Variants in SERPINF1 observed in about 807,000 individuals in gnomAD.
SERPINF1 encodes serpin family F member 1, also known as pigment epithelium-derived factor.
In SERPINF1, 29 loss-of-function variants were observed where a neutral mutation model predicts 37.3. The ratio of observed to expected loss-of-function variants is 0.78; its 90% CI spans 0.58 to 1.06. The LOEUF is 1.06. SERPINF1 is among the 50% of genes least tolerant of loss of function. The pLI is 0.00. For missense variants in SERPINF1, 553 were observed against 532.2 expected, an observed-to-expected ratio of 1.04 and a Z score of -0.38; for synonymous variants, 281 against 227.9, an observed-to-expected ratio of 1.23 and a Z score of -2.10.
chr17:1,764,755 T>A lies in SERPINF1; in HGVS notation c.-8-2148T>A, dbSNP rs566660185. Among the ~76,000 whole-genome samples the A allele has an allele frequency of 3.9e-5, 6 of 152,170 alleles. No homozygotes were observed. The East Asian group carries it at 1.2e-3, about 29-fold the overall frequency. ...AAAGTGTGTGTGCTGTGTGGGTGGA[T>A]GTTTGTGTATATAAATGGATAATGA... On this transcript the variant is annotated intron_variant, in intron 1 of 7. Coordinates refer to ENST00000254722, the MANE Select transcript of SERPINF1 (RefSeq NM_002615.7).
chr17:1,770,040 C>G lies in SERPINF1; in HGVS notation c.273C>G (p.Ala91=). ...SPLSVATALS[A]LSLGAEQRTE... ...TCAGTGTGGCCACGGCCCTCTCGGC[C>G]CTCTCGCTGGGTGAGTGCTCAGATG... The change falls in exon 3 of 8, where the codon GCC becomes GCG. Residue 91 remains alanine (A), a synonymous_variant. Coordinates refer to ENST00000254722, the MANE Select transcript of SERPINF1 (RefSeq NM_002615.7). 1 of 1,614,186 alleles carries G rather than the reference C, an allele frequency of 6.2e-7. No homozygotes were observed. The highest frequency in any genetic ancestry group is 1.3e-5 in the African/African-American group (1 of 75,072).
chr17:1,767,872 A>G (rs1907478966), intron 2 of SERPINF1, among the ~76,000 whole-genome samples: 1 of 152,106 alleles, frequency 6.6e-6, no homozygotes, highest in Non-Finnish European at 1.5e-5. Context: ...TCATCTACCA[A>G]ACACCTACTC....
intron 5 of SERPINF1, among the ~76,000 whole-genome samples, chr17:1,774,202 CTTTT>C (rs112989601): frequency 3.4e-4 from 52 of 152,232 alleles, no homozygotes; most frequent in South Asian, 8.3e-4. Context: ...ACTTTTCTTT[CTTTT>C]GTTTTTGAGA....
chr17:1,769,752 G>C, intron 2 of SERPINF1, 100 bp from the exon 3 acceptor site: 2 of 1,326,250 alleles, frequency 1.5e-6, no homozygotes, highest in Non-Finnish European at 2.2e-6. Flanking sequence ...CAGCCCCAAG[G>C]GGCCAGAACC....
chr17:1,769,176 G>A (rs551381669), intron 2 of SERPINF1, among the ~76,000 whole-genome samples: 5 of 151,282 alleles, frequency 3.3e-5, no homozygotes, highest in Middle Eastern at 3.5e-3. Flanking sequence ...TTGGTAGACC[G>A]AGGCGGGTGG....
intron 1 of SERPINF1, among the ~76,000 whole-genome samples, chr17:1,765,735 C>A (rs1907331682): frequency 6.6e-6 from 1 of 152,032 alleles, no homozygotes; most frequent in African/African-American, 2.4e-5. Context: ...CATGCGCCTG[C>A]AGTCCCAGCT....
chr17:1,768,069 G>A (rs1479561964), intron 2 of SERPINF1, among the ~76,000 whole-genome samples: 1 of 151,966 alleles, frequency 6.6e-6, no homozygotes, highest in Non-Finnish European at 1.5e-5. Context: ...AGGCGTGGTG[G>A]CAAGTGCTTG....
intron 6 of SERPINF1, 132 bp downstream of exon 6, chr17:1,775,332 C>T: frequency 2.2e-6 from 2 of 907,020 alleles, no homozygotes; most frequent in South Asian, 1.7e-5. Flanking sequence ...TGACTTTGAG[C>T]AGGTTAATAA....
Position 1,771,294 on chromosome 17 carries a change from G to C in SERPINF1, c.439+110G>C, listed in dbSNP as rs1475704010. The C allele has an allele frequency of 4.2e-6, 5 of 1,197,970 alleles. No homozygotes were observed. The African/African-American group carries it at 7.8e-5, about 19-fold the overall frequency. The allele number at this position is 1,197,970 out of a possible 1,614,324, so 74.2% of individuals were successfully genotyped here. On this transcript the variant is annotated intron_variant, in intron 4 of 7. Transcript: ENST00000254722. Reference sequence around the variant, plus strand: ...GACGGAGTCTCGCTCTGTTGCCCAGGCTGGAGTGCAGTGGCGTGATCTCGG... The same window carrying C: ...GACGGAGTCTCGCTCTGTTGCCCAGCCTGGAGTGCAGTGGCGTGATCTCGG...
chr17:1,776,183 T>C (rs1908018710), intron 6 of SERPINF1, among the ~76,000 whole-genome samples: 1 of 152,142 alleles, frequency 6.6e-6, no homozygotes, highest in East Asian at 1.9e-4. Flanking sequence ...GTGCTCTCTA[T>C]TTAACAAATG....
Position 1,771,927 on chromosome 17 carries a change from G to A in SERPINF1, c.495G>A (p.Arg165=), listed in dbSNP as rs1319195317. The change falls in exon 5 of 8, where the codon AGG becomes AGA. Residue 165 remains arginine, a synonymous_variant. Coordinates refer to ENST00000254722, the MANE Select transcript of SERPINF1 (RefSeq NM_002615.7). ...VAPLEKSYGT[R]PRVLTGNPRL... ...CTCTGGAAAAGTCATATGGGACCAGGCCCAGAGTCCTGACGGGCAACCCTC... is the reference window on the plus strand; with the variant it reads ...CTCTGGAAAAGTCATATGGGACCAGACCCAGAGTCCTGACGGGCAACCCTC... 1 of 1,613,990 alleles carries A rather than the reference G, an allele frequency of 6.2e-7. No individual in the cohort carries two copies.
chr17:1,766,800 G>A (rs1184983466), intron 1 of SERPINF1, 103 bp from the exon 2 acceptor site: 1 of 1,136,582 alleles, frequency 8.8e-7, no homozygotes, highest in Non-Finnish European at 1.3e-6. Flanking sequence ...AAAGTGACTA[G>A]CCCTGCCCAA....
chr17:1,774,710 C>A (rs1316406901), intron 5 of SERPINF1, among the ~76,000 whole-genome samples: 1 of 152,232 alleles, frequency 6.6e-6, no homozygotes, highest in Non-Finnish European at 1.5e-5. Context: ...GATCCACCCA[C>A]CCCGGCCTCC....
At chr17:1,768,606 T>C (rs1907533921) in intron 2 of SERPINF1, among the ~76,000 whole-genome samples, 1 of 151,366 alleles carries the variant, frequency 6.6e-6, no homozygotes, top group African/African-American at 2.4e-5. Flanking sequence ...CCCAAATAGC[T>C]GGGACCACAG....
intron 1 of SERPINF1, among the ~76,000 whole-genome samples, chr17:1,764,793 TGG>T (rs1049813192): frequency 1.4e-4 from 21 of 151,904 alleles, no homozygotes; most frequent in African/African-American, 5.1e-4. Flanking sequence ...GATGATGTGT[TGG>T]GGGCCAGGGC....
intron 6 of SERPINF1, among the ~76,000 whole-genome samples, chr17:1,776,217 CT>C (rs1193732913): frequency 1.6e-4 from 24 of 152,150 alleles, no homozygotes; most frequent in African/African-American, 5.8e-4. Context: ...GGCCGATGGA[CT>C]TTGGGAGAAA....
intron 2 of SERPINF1, 82 bp downstream of exon 2, chr17:1,767,076 C>A: frequency 8.0e-7 from 1 of 1,252,476 alleles, no homozygotes. Context: ...ACAGGGAACC[C>A]GGACCCAGGT....
intron 7 of SERPINF1, 96 bp from the exon 8 acceptor site, chr17:1,777,091 A>G (rs1449908334): frequency 2.2e-5 from 35 of 1,591,906 alleles, no homozygotes; most frequent in Non-Finnish European, 2.4e-5. Context: ...GAAAGTCAAC[A>G]GTGCTGCGCC....
Position 1,771,890 on chromosome 17 carries a change from G to C in SERPINF1, c.458G>C (p.Ser153Thr), listed in dbSNP as rs1444555131. Residue 153 changes from serine to threonine, a missense_variant, in exon 5 of 8, where the codon AGC (serine) becomes ACC (threonine). Transcript: ENST00000254722. ...TTCTCAGAGCTGCGCATAAAATCCA[G>C]CTTTGTGGCACCTCTGGAAAAGTCA... ...VFEKKLRIKSSFVAPLEKSYG... is the reference protein window; with the variant it reads ...VFEKKLRIKSTFVAPLEKSYG... The C allele has an allele frequency of 6.2e-7, 1 of 1,613,210 alleles. No individual in the cohort carries two copies. Among genetic ancestry groups the C allele is most frequent in the African/African-American group, 1.3e-5 (1 of 74,914 alleles).
Sources: gnomAD v4.1 joint callset for allele counts (sites outside exome capture counted in the v4.1 genomes callset) on GRCh38, gnomAD v4.1.1 for gene constraint, MANE v1.5 for transcripts, NCBI Gene and HGNC (gene_info 2026-07-23, HGNC 2026-07-21) for gene names.